The following KIF5C variants were observed in gnomAD, a reference collection of about 807,000 sequenced individuals.
The protein encoded by KIF5C is kinesin family member 5C.
A neutral mutation model predicts 125.2 loss-of-function variants in KIF5C; 18 were observed. The ratio of observed to expected loss-of-function variants is 0.14; its 90% CI spans 0.10 to 0.21. KIF5C has a LOEUF of 0.21. Ranked by LOEUF, KIF5C falls within the 10% of genes least tolerant of loss-of-function variation. The pLI is 1.00. For missense variants in KIF5C, 780 were observed against 1,183.8 expected (o/e 0.66, Z 5.01); for synonymous variants, 405 against 434.0 (o/e 0.93, Z 0.83).
intron 1 of KIF5C, chr2:148,884,006 C>T (rs188678342): frequency 2.4e-4 from 36 of 152,336 alleles, no homozygotes; most frequent in African/African-American, 8.4e-4. Flanking sequence ...TCTCACTTCT[C>T]TGCTCACCCC....
chr2:148,882,995 C>T (rs934931948), intron 1 of KIF5C, among the ~76,000 whole-genome samples: 3 of 152,212 alleles, frequency 2.0e-5, no homozygotes, highest in African/African-American at 7.2e-5. Context: ...TGCTGACCCT[C>T]CTTGGCTGTC....
At chr2:148,975,221 A>G (rs1681029461) in intron 12 of KIF5C, among the ~76,000 whole-genome samples, 1 of 152,174 alleles carries the variant, frequency 6.6e-6, no homozygotes, top group Non-Finnish European at 1.5e-5. Context: ...ACCAGAGCTA[A>G]TGGTTTGCCC....
chr2:148,951,588 C>T (rs116031650), intron 10 of KIF5C, among the ~76,000 whole-genome samples: 3,004 of 152,198 alleles, frequency 0.02, 102 homozygotes, highest in African/African-American at 0.067. Flanking sequence ...GTGGATTGGG[C>T]GATCTGAACA....
chr2:148,955,910 G>A, intron 10 of KIF5C, among the ~76,000 whole-genome samples: 1 of 152,212 alleles, frequency 6.6e-6, no homozygotes, highest in South Asian at 2.1e-4. Flanking sequence ...AGAAAAGAAG[G>A]ATGCTGAAAT....
Position 148,974,722 on chromosome 2 carries a change from T to C in KIF5C, c.1293+1211T>C, listed in dbSNP as rs563459127. 3.9e-5 allele frequency among the ~76,000 whole-genome samples: 6 copies of C among 152,388 alleles called. No homozygotes were observed. In the South Asian group the frequency reaches 1.2e-3, roughly 32 times the overall value. On this transcript the variant is annotated intron_variant, in intron 12 of 25. Coordinates refer to ENST00000435030, the MANE Select transcript of KIF5C (RefSeq NM_004522.3). ...TCTTGATTTCTCCAAGGAATTGCTA[T>C]TGTTTAAACAGTAAAGAAGATTAGA...
At chr2:148,893,939 A>G (rs531731383) in intron 1 of KIF5C, among the ~76,000 whole-genome samples, 5 of 152,284 alleles carry the variant, frequency 3.3e-5, no homozygotes, top group African/African-American at 1.2e-4. Flanking sequence ...GGGGAGCACA[A>G]TTCATTTATC....
rs371578601 is a variant in KIF5C at position 148,970,240 on chromosome 2, A to G, written c.1118-3096A>G. ...ATACCATGTTTTATTTTTGGAACTG[A>G]GCTCCAGCCATAAAATTATCGTAAA... On this transcript the variant is annotated intron_variant, in intron 11 of 25. Coordinates refer to ENST00000435030, the MANE Select transcript of KIF5C (RefSeq NM_004522.3). Among the ~76,000 whole-genome samples, 11 of 152,310 alleles carry G rather than the reference A, an allele frequency of 7.2e-5. No homozygotes were observed. The East Asian group carries it at 2.1e-3, about 29-fold the overall frequency.
intron 25 of KIF5C, among the ~76,000 whole-genome samples, chr2:149,018,882 G>T (rs1481514171): frequency 6.6e-6 from 1 of 151,592 alleles, no homozygotes; most frequent in Non-Finnish European, 1.5e-5. Context: ...ATATATATGG[G>T]TTATATTTAT....
At chr2:148,996,131 G>A (rs1681665312) in intron 17 of KIF5C, among the ~76,000 whole-genome samples, 1 of 152,064 alleles carries the variant, frequency 6.6e-6, no homozygotes, top group Non-Finnish European at 1.5e-5. Flanking sequence ...CTCCAGCCTG[G>A]GCGACAGAAC....
chr2:148,979,141 T>TAA (rs1399219291), intron 13 of KIF5C, among the ~76,000 whole-genome samples, 151 bp downstream of exon 13: 3 of 152,242 alleles, frequency 2.0e-5, no homozygotes, highest in Non-Finnish European at 2.9e-5. Context: ...CACTGCCTCT[T>TAA]ACAAGCTGAT....
chr2:149,000,698 CT>C, intron 20 of KIF5C, 23 bp from the exon 21 acceptor site: 1 of 1,613,206 alleles, frequency 6.2e-7, no homozygotes, highest in Middle Eastern at 1.7e-4. Flanking sequence ...CTGTGGTGGT[CT>C]ATGGTTCCTT....
chr2:148,914,254 C>A (rs971365529), intron 1 of KIF5C, among the ~76,000 whole-genome samples: 3 of 152,298 alleles, frequency 2.0e-5, no homozygotes, highest in Non-Finnish European at 4.4e-5. Flanking sequence ...GGCGAAAGAG[C>A]TTGGGGGTGG....
At chr2:148,942,054 T>G in intron 6 of KIF5C, 64 bp downstream of exon 6, 1 of 1,557,970 alleles carries the variant, frequency 6.4e-7, no homozygotes, top group Non-Finnish European at 8.8e-7. Context: ...TAATAATTAT[T>G]ACATAAGATG....
At chr2:148,947,279 T>G in intron 8 of KIF5C, 1 of 447,812 alleles carries the variant, frequency 2.2e-6, no homozygotes, top group Non-Finnish European at 3.9e-6. Context: ...TATGATGATA[T>G]GAGGCAACAG....
chr2:148,899,509 CT>C (rs1291090800), intron 1 of KIF5C, among the ~76,000 whole-genome samples: 1 of 151,758 alleles, frequency 6.6e-6, no homozygotes, highest in Non-Finnish European at 1.5e-5. Context: ...CGAGACCAGC[CT>C]GGCCAACATG....
rs1465557327 is a variant in KIF5C at position 148,902,465 on chromosome 2, C to T, written c.127-19672C>T. On this transcript the variant is annotated intron_variant, in intron 1 of 25. Coordinates refer to ENST00000435030, the MANE Select transcript of KIF5C (RefSeq NM_004522.3). ...CCAGGTAGCTGGGATTACAGGCACA[C>T]GCCACCACGCCCAGATAATTTTTGT... 3.3e-5 allele frequency among the ~76,000 whole-genome samples: 5 copies of T among 152,240 alleles called. No individual in the cohort carries two copies. In the East Asian group the frequency reaches 5.8e-4, roughly 18 times the overall value.
intron 13 of KIF5C, among the ~76,000 whole-genome samples, chr2:148,979,536 G>A (rs904254722): frequency 6.6e-6 from 1 of 152,224 alleles, no homozygotes; most frequent in African/African-American, 2.4e-5. Flanking sequence ...GGCTCCCAAA[G>A]CACTGGGATT....
rs1289641447 is a variant in KIF5C at position 148,941,940 on chromosome 2, A to C, written c.451A>C (p.Lys151Gln). Residue 151 changes from lysine to glutamine, a missense_variant, in exon 6 of 26, where the codon AAG becomes CAG. Coordinates refer to ENST00000435030, the MANE Select transcript of KIF5C (RefSeq NM_004522.3). The part of the protein sequence containing the change: ...DKIRDLLDVS[K>Q]TNLAVHEDKN... ...TGTCATTCTCATCTTTTTAGTATCC[A>C]AGACCAACTTGGCTGTTCATGAAGA... 1.9e-6 allele frequency: 3 copies of C among 1,612,108 alleles called. No homozygotes were observed. The highest frequency in any genetic ancestry group is 1.1e-5 in the South Asian group (1 of 90,068).
intron 1 of KIF5C, among the ~76,000 whole-genome samples, chr2:148,912,219 T>C (rs1337865100): frequency 6.6e-6 from 1 of 152,142 alleles, no homozygotes; most frequent in Non-Finnish European, 1.5e-5. Flanking sequence ...CAGAAGGAAG[T>C]GTTGGGAGAG....
Sources: gnomAD v4.1 joint callset for allele counts (sites outside exome capture counted in the v4.1 genomes callset) on GRCh38, gnomAD v4.1.1 for gene constraint, MANE v1.5 for transcripts, NCBI Gene and HGNC (gene_info 2026-07-23, HGNC 2026-07-21) for gene names.